Variants in MAGI1 observed in about 807,000 individuals in gnomAD.
MAGI1 encodes membrane associated guanylate kinase, WW and PDZ domain containing 1.
A neutral mutation model predicts 139.9 loss-of-function variants in MAGI1; 58 were observed. The ratio of observed to expected loss-of-function variants is 0.41; its 90% CI spans 0.34 to 0.52. The LOEUF (loss-of-function observed/expected upper bound fraction) is 0.52. MAGI1 is among the 20% of genes least tolerant of loss of function. MAGI1 has a pLI of 0.12. For synonymous variants in MAGI1, 812 were observed against 737.9 expected, an observed-to-expected ratio of 1.10 and a Z score of -1.63; for missense variants, 1,874 against 1,901.6, an observed-to-expected ratio of 0.99 and a Z score of 0.27.
At chr3:65,666,655 A>T (rs775897219) in intron 1 of MAGI1, among the ~76,000 whole-genome samples, 3 of 152,350 alleles carry the variant, frequency 2.0e-5, no homozygotes, top group South Asian at 2.1e-4. Context: ...TTACAAACCT[A>T]TAAGTTCCAG....
At chr3:65,498,235 TCAAA>T (rs914152251) in intron 2 of MAGI1, among the ~76,000 whole-genome samples, 1 of 144,196 alleles carries the variant, frequency 6.9e-6, no homozygotes, top group African/African-American at 2.5e-5. Context: ...AGAAGACGAG[TCAAA>T]CAAATTCTAC....
chr3:65,567,211 A>G (rs1262954215), intron 2 of MAGI1, among the ~76,000 whole-genome samples: 1 of 152,008 alleles, frequency 6.6e-6, no homozygotes, highest in Non-Finnish European at 1.5e-5. Flanking sequence ...TTTTAGATAT[A>G]TTAATTAAAA....
intron 1 of MAGI1, among the ~76,000 whole-genome samples, chr3:65,909,705 TA>T (rs1221943068): frequency 6.6e-6 from 1 of 151,856 alleles, no homozygotes; most frequent in Non-Finnish European, 1.5e-5. Flanking sequence ...CCCCAAAAAT[TA>T]AAAAAATGTA....
chr3:65,488,626 C>T (rs771245250), intron 3 of MAGI1, among the ~76,000 whole-genome samples: 1 of 152,098 alleles, frequency 6.6e-6, no homozygotes, highest in Non-Finnish European at 1.5e-5. Flanking sequence ...TAGGCATGAG[C>T]CACTACACCC....
chr3:65,713,714 G>A (rs180812260), intron 1 of MAGI1, among the ~76,000 whole-genome samples: 13 of 152,286 alleles, frequency 8.5e-5, no homozygotes, highest in African/African-American at 3.1e-4. Flanking sequence ...TATTCATTCA[G>A]TAAGTATTTT....
At chr3:66,004,709 G>C (rs1038122177) in intron 1 of MAGI1, among the ~76,000 whole-genome samples, 3 of 152,168 alleles carry the variant, frequency 2.0e-5, no homozygotes, top group African/African-American at 7.2e-5. Flanking sequence ...AATGCAATCT[G>C]CCATTGCAGA....
intron 12 of MAGI1, among the ~76,000 whole-genome samples, chr3:65,422,633 C>T (rs560348205): frequency 2.6e-5 from 4 of 152,204 alleles, no homozygotes; most frequent in South Asian, 4.1e-4. Flanking sequence ...GTGATTGCAA[C>T]CAAGTCCCTT....
intron 1 of MAGI1, among the ~76,000 whole-genome samples, chr3:65,757,211 A>C (rs918561837): frequency 2.0e-5 from 3 of 152,216 alleles, no homozygotes; most frequent in East Asian, 1.9e-4. Context: ...AGGGCACAAG[A>C]AGCACTGACT....
At chr3:65,549,810 T>A (rs778494789) in intron 2 of MAGI1, among the ~76,000 whole-genome samples, 4 of 152,008 alleles carry the variant, frequency 2.6e-5, no homozygotes, top group Non-Finnish European at 4.4e-5. Flanking sequence ...TGCTAGCACC[T>A]TGAAATGAAT....
chr3:66,017,455 C>T (rs2067713380), intron 1 of MAGI1, among the ~76,000 whole-genome samples: 1 of 152,234 alleles, frequency 6.6e-6, no homozygotes, highest in South Asian at 2.1e-4. Flanking sequence ...TTAATTCACA[C>T]AATGGTACAT....
intron 1 of MAGI1, among the ~76,000 whole-genome samples, chr3:65,724,879 T>C (rs187419586): frequency 1.2e-4 from 18 of 152,102 alleles, no homozygotes; most frequent in Admixed American, 2.0e-4. Flanking sequence ...ATGGCCAAAA[T>C]TGCCCCCATG....
At chr3:65,658,887 T>G (rs1331292804) in intron 1 of MAGI1, among the ~76,000 whole-genome samples, 1 of 152,224 alleles carries the variant, frequency 6.6e-6, no homozygotes, top group Non-Finnish European at 1.5e-5. Context: ...CATATCCACA[T>G]GAGCATGCAA....
At chr3:66,032,840 G>A (rs1263383117) in intron 1 of MAGI1, among the ~76,000 whole-genome samples, 16 of 149,440 alleles carry the variant, frequency 1.1e-4, no homozygotes, top group East Asian at 4.1e-4. Flanking sequence ...GCTTGAACCC[G>A]GGAGGCAAAG....
chr3:65,474,937 A>G (rs1950789669), intron 4 of MAGI1, among the ~76,000 whole-genome samples: 1 of 152,154 alleles, frequency 6.6e-6, no homozygotes, highest in Admixed American at 6.6e-5. Flanking sequence ...TCCCTGGTAT[A>G]TGCATAAAGA....
intron 2 of MAGI1, among the ~76,000 whole-genome samples, chr3:65,550,220 GTTA>G (rs768451728): frequency 6.6e-6 from 1 of 152,168 alleles, no homozygotes; most frequent in Non-Finnish European, 1.5e-5. Context: ...CCAGGAGGGG[GTTA>G]AGTATTTGTC....
chr3:65,979,088 T>TACCCCCCCCCCCCCCCC (rs377493475), intron 1 of MAGI1, among the ~76,000 whole-genome samples: 1 of 52,970 alleles, frequency 1.9e-5, no homozygotes, highest in Non-Finnish European at 3.6e-5. Context: ...TTTCTTTTCT[T>TACCCCCCCCCCCCCCCC]CCCCCCCCCC....
At chr3:65,568,941 A>C (rs76122145) in intron 2 of MAGI1, among the ~76,000 whole-genome samples, 3,223 of 152,332 alleles carry the variant, frequency 0.021, 112 homozygotes, top group African/African-American at 0.073. Context: ...AGCAGTTGAC[A>C]TCAAATAGCA....
intron 1 of MAGI1, among the ~76,000 whole-genome samples, chr3:66,029,331 T>C (rs1381026624): frequency 6.6e-6 from 1 of 152,124 alleles, no homozygotes; most frequent in African/African-American, 2.4e-5. Flanking sequence ...CCCCTGTCCA[T>C]AAAGAGAGCC....
chr3:65,777,353 C>T (rs1488987966), intron 1 of MAGI1, among the ~76,000 whole-genome samples: 1 of 151,894 alleles, frequency 6.6e-6, no homozygotes, highest in Non-Finnish European at 1.5e-5. Flanking sequence ...TGTACTTAGA[C>T]GAATGACTGG....
Sources: gnomAD v4.1 joint callset for allele counts (sites outside exome capture counted in the v4.1 genomes callset) on GRCh38, gnomAD v4.1.1 for gene constraint, MANE v1.5 for transcripts, NCBI Gene and HGNC (gene_info 2026-07-23, HGNC 2026-07-21) for gene names.